NAA60: variants seen among roughly 807,000 people sequenced by gnomAD.
The protein encoded by NAA60 is N-alpha-acetyltransferase 60.
A neutral mutation model predicts 26.1 loss-of-function variants in NAA60; 8 were observed. The observed-to-expected ratio is 0.31, with a 90% CI of 0.18 to 0.55. The LOEUF (loss-of-function observed/expected upper bound fraction) is 0.55. Among genes scored for constraint, NAA60 ranks in the 20% least tolerant of loss-of-function variants. The pLI is 0.93. For synonymous variants in NAA60, 131 were observed against 122.5 expected (o/e 1.07, Z -0.46); for missense variants, 290 against 311.3 (o/e 0.93, Z 0.51).
At position 3,443,683 on chromosome 16, in the gene NAA60, C is replaced by T. The variant is rs1363250910; in HGVS notation, c.-231C>T. ...CCTTTTCTCTAAGCAACCATTTCCG[C>T]TTCCGCTGGCGGGGTCTCCTCCGTG... On this transcript the variant is annotated 5_prime_UTR_variant, in exon 1 of 8. Transcript: ENST00000407558. 5.7e-6 allele frequency: 8 copies of T among 1,393,466 alleles called. No homozygotes were observed. The highest frequency in any genetic ancestry group is 3.2e-5 in the South Asian group (2 of 62,432). The allele number at this position is 1,393,466 out of a possible 1,614,324, so 86.3% of individuals were successfully genotyped here. A position where few individuals can be genotyped will look rare whatever the true frequency, so the allele number is the denominator to read the frequency against.
chr16:3,474,800 G>A (rs985826077), intron 2 of NAA60, among the ~76,000 whole-genome samples: 1 of 152,216 alleles, frequency 6.6e-6, no homozygotes, highest in Non-Finnish European at 1.5e-5. Flanking sequence ...TTCCAAAATG[G>A]TGACTTTCTA....
chr16:3,458,616 G>A (rs37837), intron 2 of NAA60, among the ~76,000 whole-genome samples: 19,823 of 152,226 alleles, frequency 0.13, 1,651 homozygotes, highest in Non-Finnish European at 0.19. Flanking sequence ...GCCTGGCCTG[G>A]TCAGGGCCTG....
chr16:3,478,171 G>C (rs1023986956), intron 3 of NAA60, among the ~76,000 whole-genome samples: 11 of 152,172 alleles, frequency 7.2e-5, no homozygotes, highest in African/African-American at 1.2e-4. Context: ...GCGAGTCAGA[G>C]GTTGCAGTGA....
At chr16:3,449,348 C>G (rs2034679009) in intron 2 of NAA60, among the ~76,000 whole-genome samples, 1 of 152,038 alleles carries the variant, frequency 6.6e-6, no homozygotes, top group Admixed American at 6.5e-5. Context: ...GAAACCCCAT[C>G]TTTACTAAAA....
In NAA60 at chr16:3,485,045, A is replaced by G. The variant is rs1012345422; in HGVS notation, c.*190A>G. 3.3e-6 allele frequency: 5 copies of G among 1,505,930 alleles called. No homozygotes were observed. In the African/African-American group the frequency reaches 5.5e-5, roughly 17 times the overall value. 93.3% of individuals were successfully genotyped at this position (1,505,930 alleles called of 1,614,324 possible). On this transcript the variant is annotated 3_prime_UTR_variant, in exon 7 of 8. Transcript: ENST00000407558. ...AGAACATCGTGGGCATGCGCAGAGC[A>G]TGCCCATCCGTGGCAGGTACGCCAC...
chr16:3,471,474 G>C (rs2036140135), intron 2 of NAA60, among the ~76,000 whole-genome samples: 1 of 152,136 alleles, frequency 6.6e-6, no homozygotes, highest in Non-Finnish European at 1.5e-5. Context: ...GTGCACTCCA[G>C]CCTTGGGGGG....
At chr16:3,481,971 G>T (rs749991039) in intron 4 of NAA60, among the ~76,000 whole-genome samples, 1 of 152,160 alleles carries the variant, frequency 6.6e-6, no homozygotes, top group African/African-American at 2.4e-5. Flanking sequence ...ATGGTGGGTG[G>T]CTTTACGCAG....
chr16:3,480,658 C>G (rs55989968), intron 4 of NAA60, among the ~76,000 whole-genome samples: 20,010 of 141,850 alleles, frequency 0.14, 1,678 homozygotes, highest in Non-Finnish European at 0.2. Flanking sequence ...TGGCTCACAC[C>G]TATAACCCCG....
intron 1 of NAA60, among the ~76,000 whole-genome samples, chr16:3,444,256 C>T (rs766844240): frequency 1.3e-5 from 2 of 151,986 alleles, no homozygotes; most frequent in Non-Finnish European, 2.9e-5. Context: ...CTGGTGTAGG[C>T]ATTTGGAATT....
chr16:3,456,296 A>G (rs1025197537), intron 2 of NAA60, among the ~76,000 whole-genome samples: 1 of 152,244 alleles, frequency 6.6e-6, no homozygotes, highest in African/African-American at 2.4e-5. Flanking sequence ...GCAAGCTCCC[A>G]GGTGATGCCG....
intron 2 of NAA60, chr16:3,467,668 G>A (rs777447736): frequency 3.3e-5 from 5 of 152,162 alleles, no homozygotes; most frequent in Non-Finnish European, 7.3e-5. Flanking sequence ...TCCATTCTGT[G>A]TCCCCCAGAT....
intron 1 of NAA60, among the ~76,000 whole-genome samples, chr16:3,446,936 G>C (rs970622766): frequency 6.6e-6 from 1 of 151,956 alleles, no homozygotes; most frequent in African/African-American, 2.4e-5. Flanking sequence ...CCATCTCCCA[G>C]GTTCAAGCAA....
rs770583291 is a variant in NAA60, at chr16:3,479,497, T to C, written c.137T>C (p.Ile46Thr). ...TACCCAGACTCATGGTATCGTGATA[T>C]CACATCCAACAAGAAGTTCTTTTCC... ...IEYPDSWYRD[I>T]TSNKKFFSLA... Residue 46 changes from isoleucine to threonine, a missense_variant, in exon 4 of 8, where the codon ATC becomes ACC. Physicochemically the swap from Ile to Thr is moderately conservative, Grantham distance 89. Transcript: ENST00000407558. The C allele has an allele frequency of 1.9e-6, 3 of 1,613,914 alleles. No homozygotes were observed. Among genetic ancestry groups the C allele is most frequent in the Non-Finnish European group, 1.7e-6 (2 of 1,179,880 alleles).
chr16:3,463,820 A>G (rs187475465), intron 2 of NAA60, among the ~76,000 whole-genome samples: 16 of 152,296 alleles, frequency 1.1e-4, no homozygotes, highest in Admixed American at 2.0e-4. Context: ...AGCTTGGGCA[A>G]CATAGTGAGA....
chr16:3,465,556 C>G (rs556824362), intron 2 of NAA60, among the ~76,000 whole-genome samples: 1 of 152,150 alleles, frequency 6.6e-6, no homozygotes, highest in African/African-American at 2.4e-5. Flanking sequence ...AGGCTGCAGA[C>G]GGGGGTTAGT....
intron 2 of NAA60, among the ~76,000 whole-genome samples, chr16:3,466,694 A>G (rs77848378): frequency 0.039 from 5,955 of 152,260 alleles, 262 homozygotes; most frequent in South Asian, 0.12. Context: ...TCTCTTGAGC[A>G]GAAGCCTGGT....
intron 2 of NAA60, among the ~76,000 whole-genome samples, chr16:3,466,609 C>G (rs1371697958): frequency 6.6e-6 from 1 of 152,192 alleles, no homozygotes; most frequent in Non-Finnish European, 1.5e-5. Context: ...ATTTTTCAAG[C>G]TAGTAAACCT....
In NAA60 at chr16:3,463,719, A is replaced by T. The variant is rs552153221; in HGVS notation, c.-6-12503A>T. ...GTCTCTACTTAAAAAAAAAAAAAAA[A>T]TTCAACCTAGACTTGGTGGCTTGTG... On this transcript the variant is annotated intron_variant, in intron 2 of 7. Transcript: ENST00000407558. Among the ~76,000 whole-genome samples the T allele has an allele frequency of 2.3e-3, 341 of 146,602 alleles. 1 individual carries two copies. The highest frequency in any genetic ancestry group is 8.2e-3 in the African/African-American group (330 of 40,376).
intron 2 of NAA60, among the ~76,000 whole-genome samples, chr16:3,467,328 G>A (rs993325561): frequency 1.3e-5 from 2 of 152,096 alleles, no homozygotes; most frequent in African/African-American, 2.4e-5. Context: ...AGCTGTGGGC[G>A]GGAAGAGAGA....
Sources: allele counts gnomAD v4.1 joint callset (sites outside exome capture counted in the v4.1 genomes callset), GRCh38; gene constraint gnomAD v4.1.1; transcripts MANE v1.5; gene names NCBI Gene and HGNC (gene_info 2026-07-23, HGNC 2026-07-21).